The following HERC3 variants were observed in gnomAD, a reference collection of about 807,000 sequenced individuals.
HERC3 encodes the protein HECT and RLD domain containing E3 ubiquitin protein ligase 3.
In HERC3, 58 loss-of-function variants were observed where a neutral mutation model predicts 129.9. The ratio of observed to expected loss-of-function variants is 0.45; its 90% CI spans 0.36 to 0.56. HERC3 has a LOEUF of 0.56. Ranked by LOEUF, HERC3 falls within the 20% of genes least tolerant of loss-of-function variation. The probability of loss-of-function intolerance (pLI) is 0.00; values close to 1 mark genes in which losing one functional copy is unlikely to be tolerated. For missense variants in HERC3, 835 were observed against 1,244.2 expected, an observed-to-expected ratio of 0.67 and a Z score of 4.95; for synonymous variants, 430 against 451.0, an observed-to-expected ratio of 0.95 and a Z score of 0.59.
At chr4:88,703,618 T>A (rs1735511132) in intron 23 of HERC3, among the ~76,000 whole-genome samples, 1 of 152,070 alleles carries the variant, frequency 6.6e-6, no homozygotes. Flanking sequence ...GAGGTAAAGG[T>A]TTTATAAACA....
chr4:88,677,635 A>G (rs1165928370), intron 18 of HERC3, among the ~76,000 whole-genome samples: 49 of 152,140 alleles, frequency 3.2e-4, no homozygotes, highest in Non-Finnish European at 7.4e-5. Context: ...TGCCATTTTG[A>G]AAGTTGTGGT....
the HERC3 span, chr4:88,528,142 A>T: frequency 8.6e-6 from 2 of 232,852 alleles, no homozygotes; most frequent in South Asian, 6.3e-5. Flanking sequence ...AGCCAGATTG[A>T]TAAAACCAGT....
intron 3 of HERC3, among the ~76,000 whole-genome samples, chr4:88,645,468 G>A (rs897062297): frequency 2.6e-5 from 4 of 152,094 alleles, no homozygotes; most frequent in African/African-American, 9.7e-5. Flanking sequence ...TAAAAACTTA[G>A]TGCCAACTGT....
the HERC3 span, among the ~76,000 whole-genome samples, chr4:88,565,291 G>T: frequency 6.6e-6 from 1 of 152,006 alleles, no homozygotes; most frequent in African/African-American, 2.4e-5. Context: ...TTGCTTTGTT[G>T]ATTTTCTGTC....
intron 21 of HERC3, among the ~76,000 whole-genome samples, chr4:88,686,155 A>G (rs1733427863): frequency 6.6e-6 from 1 of 152,192 alleles, no homozygotes; most frequent in African/African-American, 2.4e-5. Context: ...TTAAAAAAAA[A>G]AAATTAGTGT....
the HERC3 span, among the ~76,000 whole-genome samples, chr4:88,551,261 A>G: frequency 6.6e-6 from 1 of 152,122 alleles, no homozygotes; most frequent in Non-Finnish European, 1.5e-5. Flanking sequence ...AGCAATGGCA[A>G]CAAAAGCCAA....
At chr4:88,525,103 A>G in the HERC3 span, 5 of 152,286 alleles carry the variant, frequency 3.3e-5, no homozygotes, top group Middle Eastern at 3.4e-3. Flanking sequence ...TGTAGTTTAT[A>G]GGATACCAAA....
At chr4:88,675,331 AAAT>A (rs1732045154) in intron 16 of HERC3, among the ~76,000 whole-genome samples, 1 of 152,226 alleles carries the variant, frequency 6.6e-6, no homozygotes, top group Non-Finnish European at 1.5e-5. Flanking sequence ...CTGGACGATT[AAAT>A]AATAACATGA....
intron 13 of HERC3, 147 bp downstream of exon 13, chr4:88,667,635 C>G (rs1198734261): frequency 7.9e-6 from 5 of 631,108 alleles, no homozygotes; most frequent in Non-Finnish European, 1.4e-5. Flanking sequence ...TTAGACCTAC[C>G]TTTTGCTTTC....
chr4:88,667,325 A>G, intron 12 of HERC3, 52 bp from the exon 13 acceptor site: 1 of 918,888 alleles, frequency 1.1e-6, no homozygotes, highest in Non-Finnish European at 1.7e-6. Flanking sequence ...AATTCCTATC[A>G]GAGTGTTTGC....
At chr4:88,687,787 A>G (rs1733637670) in intron 23 of HERC3, among the ~76,000 whole-genome samples, 1 of 152,212 alleles carries the variant, frequency 6.6e-6, no homozygotes, top group African/African-American at 2.4e-5. Flanking sequence ...TATCACTGCT[A>G]TTTTACTGCT....
chr4:88,559,748 G>C, the HERC3 span, among the ~76,000 whole-genome samples: 6 of 152,162 alleles, frequency 3.9e-5, no homozygotes, highest in Non-Finnish European at 8.8e-5. Flanking sequence ...CAATGAACAT[G>C]GGAGTGCAGA....
At chr4:88,578,988 T>C in the HERC3 span, among the ~76,000 whole-genome samples, 11 of 152,180 alleles carry the variant, frequency 7.2e-5, no homozygotes, top group Admixed American at 2.6e-4. Flanking sequence ...GTGGGACTTA[T>C]GTAAACTTTA....
chr4:88,589,596 A>C (rs959414737), upstream of HERC3, among the ~76,000 whole-genome samples: 1 of 152,204 alleles, frequency 6.6e-6, no homozygotes, highest in Non-Finnish European at 1.5e-5. Flanking sequence ...AATATATGAG[A>C]ATGCAGAAAG....
the HERC3 span, among the ~76,000 whole-genome samples, chr4:88,553,504 T>A: frequency 6.6e-6 from 1 of 152,088 alleles, no homozygotes; most frequent in Admixed American, 6.6e-5. Context: ...TTTAAAAGAA[T>A]GACATGGGAA....
intron 3 of HERC3, among the ~76,000 whole-genome samples, chr4:88,617,175 CAAAAAAA>C (rs1162260456): frequency 3.1e-4 from 10 of 31,892 alleles, no homozygotes; most frequent in Middle Eastern, 0.042. Context: ...ACCCTGTCTC[CAAAAAAA>C]AAAAAAAAAA....
rs754838958 is a variant in HERC3, at chr4:88,704,549, T to C, written c.2883T>C (p.Thr961=). 46 of 1,612,794 alleles carry C rather than the reference T, an allele frequency of 2.9e-5. No homozygotes were observed. Among genetic ancestry groups the C allele is most frequent in the Non-Finnish European group, 3.9e-5 (46 of 1,178,866 alleles). The part of the protein sequence containing the change: ...YKGDYSATHP[T]VKLFWETFHE... ...GAGATTACTCGGCCACACATCCCAC[T>C]GTAAAACTATTTTGGGAAACATTTC... The change falls in exon 25 of 26, where the codon ACT becomes ACC. Residue 961 remains threonine (T), a synonymous_variant. Coordinates refer to ENST00000402738, the MANE Select transcript of HERC3 (RefSeq NM_014606.3).
At chr4:88,621,115 G>GT (rs1217548262) in intron 3 of HERC3, among the ~76,000 whole-genome samples, 42 of 150,142 alleles carry the variant, frequency 2.8e-4, no homozygotes, top group Middle Eastern at 3.4e-3. Context: ...CTTTCAGCAA[G>GT]TTTTTTTTTT....
chr4:88,650,462 T>A (rs1729154014), intron 4 of HERC3, among the ~76,000 whole-genome samples: 1 of 152,218 alleles, frequency 6.6e-6, no homozygotes, highest in African/African-American at 2.4e-5. Context: ...TGCAAAAATG[T>A]TAATACAGTA....
Sources: gnomAD v4.1 joint callset for allele counts (sites outside exome capture counted in the v4.1 genomes callset) on GRCh38, gnomAD v4.1.1 for gene constraint, MANE v1.5 for transcripts, NCBI Gene and HGNC (gene_info 2026-07-23, HGNC 2026-07-21) for gene names.